The following INPP4B variants were observed in gnomAD, a reference collection of about 807,000 sequenced individuals.
INPP4B encodes inositol polyphosphate-4-phosphatase type II B.
In INPP4B, 55 loss-of-function variants were observed where a neutral mutation model predicts 122.5. The ratio of observed to expected loss-of-function variants is 0.45; its 90% confidence interval spans 0.36 to 0.56. The LOEUF (loss-of-function observed/expected upper bound fraction) is 0.56. Ranked by LOEUF, INPP4B falls within the 20% of genes least tolerant of loss-of-function variation. INPP4B has a pLI of 0.00. For synonymous variants in INPP4B, 403 were observed against 388.7 expected (o/e 1.04, Z -0.43); for missense variants, 1,000 against 1,097.7 (o/e 0.91, Z 1.26).
intron 2 of INPP4B, among the ~76,000 whole-genome samples, chr4:142,494,842 A>G (rs910306395): frequency 2.0e-5 from 3 of 152,124 alleles, no homozygotes; most frequent in South Asian, 2.1e-4. Context: ...CCTCAATTAG[A>G]TCTCCACTCT....
intron 1 of INPP4B, among the ~76,000 whole-genome samples, chr4:142,826,052 C>T (rs993217026): frequency 2.6e-5 from 4 of 151,960 alleles, no homozygotes; most frequent in South Asian, 2.1e-4. Flanking sequence ...GTTGTCGCAT[C>T]GCCATTGATA....
intron 15 of INPP4B, among the ~76,000 whole-genome samples, chr4:142,180,326 A>G (rs927104057): frequency 2.0e-5 from 3 of 152,160 alleles, no homozygotes; most frequent in East Asian, 1.9e-4. Flanking sequence ...TAAGAATACA[A>G]AAAAAACAGA....
chr4:142,690,553 C>T (rs1760025359), intron 2 of INPP4B, among the ~76,000 whole-genome samples: 1 of 152,138 alleles, frequency 6.6e-6, no homozygotes, highest in Non-Finnish European at 1.5e-5. Flanking sequence ...TAGGTTGGGA[C>T]TTACTGTGCT....
chr4:142,687,847 G>T (rs568756812), intron 2 of INPP4B, among the ~76,000 whole-genome samples: 1 of 152,182 alleles, frequency 6.6e-6, no homozygotes, highest in African/African-American at 2.4e-5. Context: ...CACCTAAGCT[G>T]CCAGGATGAC....
At position 142,595,847 on chromosome 4, in the gene INPP4B, G is replaced by GTATT. The variant is rs567884931; in HGVS notation, c.-191+129988_-191+129991dup. Among the ~76,000 whole-genome samples, 403 of 152,122 alleles carry GTATT rather than the reference G, an allele frequency of 2.6e-3. 6 individuals are homozygous for GTATT. Among genetic ancestry groups the GTATT allele is most frequent in the East Asian group, 0.019 (96 of 5,164 alleles). On this transcript the variant is annotated intron_variant, in intron 2 of 25. Coordinates refer to ENST00000262992, the MANE Select transcript of INPP4B (RefSeq NM_001101669.3). ...TATGAAAAGCCAAGGTAGATTCTAT[G>GTATT]TATTTATTTATTTATTTATTTTTAT...
chr4:142,490,556 TGTG>T (rs905792218), intron 2 of INPP4B, among the ~76,000 whole-genome samples: 19 of 152,186 alleles, frequency 1.2e-4, no homozygotes, highest in African/African-American at 4.3e-4. Flanking sequence ...TATCATTTTT[TGTG>T]GTGAAAACAT....
intron 7 of INPP4B, among the ~76,000 whole-genome samples, chr4:142,401,695 T>G (rs1801644745): frequency 6.6e-6 from 1 of 152,128 alleles, no homozygotes; most frequent in Non-Finnish European, 1.5e-5. Context: ...ACAATCCCAT[T>G]AGGTAAATAT....
chr4:142,350,017 T>A (rs1375514356), intron 7 of INPP4B, among the ~76,000 whole-genome samples: 1 of 152,138 alleles, frequency 6.6e-6, no homozygotes, highest in Non-Finnish European at 1.5e-5. Flanking sequence ...AAAATAGTCT[T>A]GCTTTAGGAC....
At chr4:142,537,541 CGTAAA>C (rs1828434484) in intron 2 of INPP4B, among the ~76,000 whole-genome samples, 1 of 150,522 alleles carries the variant, frequency 6.6e-6, no homozygotes, top group Admixed American at 6.6e-5. Flanking sequence ...CATACACACA[CGTAAA>C]GTAAGTCCTC....
chr4:142,818,289 T>A (rs1780365766), intron 1 of INPP4B, among the ~76,000 whole-genome samples: 1 of 152,192 alleles, frequency 6.6e-6, no homozygotes, highest in South Asian at 2.1e-4. Flanking sequence ...CCATCACTCC[T>A]TCATTGAGAA....
chr4:142,337,270 T>C (rs1232333817), intron 7 of INPP4B, among the ~76,000 whole-genome samples: 3 of 152,044 alleles, frequency 2.0e-5, no homozygotes, highest in Non-Finnish European at 4.4e-5. Context: ...ACTGCTGCTA[T>C]GAAATTCTTG....
At chr4:142,467,034 T>C (rs907604580) in intron 2 of INPP4B, among the ~76,000 whole-genome samples, 1 of 152,094 alleles carries the variant, frequency 6.6e-6, no homozygotes, top group Non-Finnish European at 1.5e-5. Flanking sequence ...TAGGAAAGAT[T>C]GGTTGCCCAA....
At chr4:142,224,826 T>C (rs1850833233) in intron 12 of INPP4B, among the ~76,000 whole-genome samples, 1 of 152,174 alleles carries the variant, frequency 6.6e-6, no homozygotes, top group Non-Finnish European at 1.5e-5. Flanking sequence ...GAATCTAGTA[T>C]ACATACAACA....
chr4:142,673,075 C>A (rs2150641138), intron 2 of INPP4B, among the ~76,000 whole-genome samples: 1 of 152,272 alleles, frequency 6.6e-6, no homozygotes, highest in South Asian at 2.1e-4. Flanking sequence ...AGTTACCAAT[C>A]TTTTCTAGCC....
At chr4:142,180,332 A>C (rs1406890751) in intron 15 of INPP4B, among the ~76,000 whole-genome samples, 1 of 152,190 alleles carries the variant, frequency 6.6e-6, no homozygotes, top group Non-Finnish European at 1.5e-5. Flanking sequence ...TACAAAAAAA[A>C]CAGAAGGTAC....
At chr4:142,653,438 C>T (rs1222980785) in intron 2 of INPP4B, among the ~76,000 whole-genome samples, 3 of 152,124 alleles carry the variant, frequency 2.0e-5, no homozygotes, top group Admixed American at 6.5e-5. Context: ...GAACAGACAA[C>T]CTACTGAATG....
chr4:142,757,805 A>G (rs1436091059), intron 1 of INPP4B, among the ~76,000 whole-genome samples: 1 of 152,172 alleles, frequency 6.6e-6, no homozygotes, highest in Non-Finnish European at 1.5e-5. Context: ...TTAGGGTAAG[A>G]ATATATTTGG....
intron 8 of INPP4B, among the ~76,000 whole-genome samples, chr4:142,312,343 G>C (rs1448778744): frequency 1.3e-5 from 2 of 152,172 alleles, no homozygotes; most frequent in Non-Finnish European, 2.9e-5. Flanking sequence ...CGATTTCAGA[G>C]ATGTGGCTAA....
intron 15 of INPP4B, among the ~76,000 whole-genome samples, chr4:142,185,651 G>A (rs531409888): frequency 2.6e-5 from 4 of 151,668 alleles, no homozygotes; most frequent in African/African-American, 7.3e-5. Context: ...AGGCCGAGGC[G>A]GGTGGATCAC....
Sources: allele counts gnomAD v4.1 joint callset (sites outside exome capture counted in the v4.1 genomes callset), GRCh38; gene constraint gnomAD v4.1.1; transcripts MANE v1.5; gene names NCBI Gene and HGNC (gene_info 2026-07-23, HGNC 2026-07-21).